The following SFSWAP variants were observed in gnomAD, a reference collection of about 807,000 sequenced individuals.
SFSWAP encodes the protein splicing factor, suppressor of white-apricot homolog.
SFSWAP carries 17 observed loss-of-function variants against 100.7 expected under a neutral mutation model. The ratio of observed to expected loss-of-function variants is 0.17; its 90% confidence interval spans 0.12 to 0.25. The LOEUF (loss-of-function observed/expected upper bound fraction) is 0.25. SFSWAP is among the 10% of genes least tolerant of loss of function. SFSWAP has a pLI of 1.00. For synonymous variants in SFSWAP, 504 were observed against 510.1 expected, an observed-to-expected ratio of 0.99 and a Z score of 0.16; for missense variants, 1,005 against 1,262.6, an observed-to-expected ratio of 0.80 and a Z score of 3.09.
At position 131,744,890 on chromosome 12, in the gene SFSWAP, G is replaced by A. The variant is rs568234333; in HGVS notation, c.1082-8233G>A. 4.6e-5 allele frequency among the ~76,000 whole-genome samples: 7 copies of A among 152,340 alleles called. No homozygotes were observed. The East Asian group carries it at 1.2e-3, about 25-fold the overall frequency. ...ACATGGATGGCAGCAGGCAAAGAGAGGCTGTACAGAGAAGCTCCTGTTTTT... is the reference window on the plus strand; with the variant it reads ...ACATGGATGGCAGCAGGCAAAGAGAAGCTGTACAGAGAAGCTCCTGTTTTT... On this transcript the variant is annotated intron_variant, in intron 7 of 17. Coordinates refer to ENST00000261674, the MANE Select transcript of SFSWAP (RefSeq NM_004592.4).
intron 1 of SFSWAP, chr12:131,712,853 C>T (rs1451419339): frequency 6.6e-6 from 1 of 152,134 alleles, no homozygotes; most frequent in Non-Finnish European, 1.5e-5. Flanking sequence ...GAAGTCTGAG[C>T]TCTTTGTACA....
In SFSWAP at chr12:131,764,499, T is replaced by C; in HGVS notation, c.1764T>C (p.Asn588=). 1 of 1,614,144 alleles carries C rather than the reference T, an allele frequency of 6.2e-7. No individual in the cohort carries two copies. Among genetic ancestry groups the C allele is most frequent in the Non-Finnish European group, 8.5e-7 (1 of 1,180,028 alleles). ...GCTTTGCAATCAAGGCCAAAGAAAA[T>C]GATCTGCTTCCCCTGGAAAAAAATC... ...PISFAIKAKE[N]DLLPLEKNRV... is the part of the protein sequence containing the mutation. The change falls in exon 12 of 18, where the codon AAT becomes AAC. Residue 588 remains asparagine (N), a synonymous_variant. Transcript: ENST00000261674.
At chr12:131,729,312 T>C (rs922231464) in intron 7 of SFSWAP, among the ~76,000 whole-genome samples, 5 of 152,080 alleles carry the variant, frequency 3.3e-5, no homozygotes, top group African/African-American at 1.2e-4. Flanking sequence ...GAGACCAGCC[T>C]GGACAACATA....
At chr12:131,774,997 G>A (rs781592679) in intron 13 of SFSWAP, among the ~76,000 whole-genome samples, 15 of 152,150 alleles carry the variant, frequency 9.9e-5, no homozygotes, top group Middle Eastern at 3.2e-3. Flanking sequence ...CTGGAGAGTT[G>A]ACTCCTCGCA....
chr12:131,778,445 C>A lies in SFSWAP; in HGVS notation c.2408+115C>A. The A allele has an allele frequency of 2.7e-6, 4 of 1,463,166 alleles. No homozygotes were observed. The East Asian group carries it at 7.0e-5, about 25-fold the overall frequency. The allele number at this position is 1,463,166 out of a possible 1,614,324, so 90.6% of individuals were successfully genotyped here. On this transcript the variant is annotated intron_variant, in intron 14 of 17. Transcript: ENST00000261674. This position sits in a 1 kb window ranked among gnomAD's most constrained non-coding sequence, Gnocchi z 4.2. ...ATCAGTGCCGCTTTCATTAAGCAGA[C>A]GCGTGTATGCATGTGCATGTGTGCC...
intron 7 of SFSWAP, among the ~76,000 whole-genome samples, chr12:131,743,549 G>A (rs1452554865): frequency 1.3e-5 from 2 of 152,190 alleles, no homozygotes; most frequent in Non-Finnish European, 2.9e-5. Context: ...CATGGTCTTG[G>A]GCAGCTCCGC....
At chr12:131,719,313 G>T in intron 3 of SFSWAP, 141 bp from the exon 4 acceptor site, 1 of 622,342 alleles carries the variant, frequency 1.6e-6, no homozygotes, top group Non-Finnish European at 2.8e-6. Context: ...AGAAGAGAAA[G>T]CTGAAGATGG....
intron 7 of SFSWAP, among the ~76,000 whole-genome samples, chr12:131,742,178 C>T (rs117282949): frequency 6.6e-6 from 1 of 152,324 alleles, no homozygotes; most frequent in Non-Finnish European, 1.5e-5. Context: ...GGCCCCAGGT[C>T]CACAAGCCCC....
rs1879758318 is a variant in SFSWAP at position 131,733,974 on chromosome 12, A to G, written c.1081+5546A>G. On this transcript the variant is annotated intron_variant, in intron 7 of 17. Transcript: ENST00000261674. The surrounding 1 kb of genome is among the most constrained non-coding windows in gnomAD (Gnocchi z 5.1). ...CCTGAGCCCACCCTGGGGCAGGGTG[A>G]CACATGGGAGCAGGTCAGTGCCCTG... Among the ~76,000 whole-genome samples the G allele has an allele frequency of 6.6e-6, 1 of 152,184 alleles. No individual in the cohort carries two copies. The highest frequency in any genetic ancestry group is 1.5e-5 in the Non-Finnish European group (1 of 68,016).
chr12:131,767,987 A>G (rs1372742249), intron 13 of SFSWAP, among the ~76,000 whole-genome samples: 1 of 152,270 alleles, frequency 6.6e-6, no homozygotes, highest in Non-Finnish European at 1.5e-5. Flanking sequence ...CAAACCTTCA[A>G]AAAATTGGAA....
intron 3 of SFSWAP, among the ~76,000 whole-genome samples, chr12:131,718,470 C>T (rs1347331592): frequency 3.9e-5 from 6 of 152,136 alleles, no homozygotes; most frequent in African/African-American, 1.4e-4. Flanking sequence ...CTGAGATGTA[C>T]TTAGGTACCT....
chr12:131,765,633 A>T (rs1261575332), intron 12 of SFSWAP, among the ~76,000 whole-genome samples: 1 of 151,896 alleles, frequency 6.6e-6, no homozygotes, highest in South Asian at 2.1e-4. Flanking sequence ...GGGCAACAAG[A>T]GCAAAAACTC....
At chr12:131,761,278 G>A (rs1033417069) in intron 11 of SFSWAP, among the ~76,000 whole-genome samples, 1 of 152,196 alleles carries the variant, frequency 6.6e-6, no homozygotes, top group Non-Finnish European at 1.5e-5. Context: ...AGCAATAAGA[G>A]TTGTTAGCTA....
chr12:131,796,998 CTG>C (rs1200440700), intron 15 of SFSWAP, 178 bp from the exon 16 acceptor site: 7 of 597,554 alleles, frequency 1.2e-5, no homozygotes, highest in African/African-American at 1.8e-5. Context: ...GACGCGTCAT[CTG>C]TTATCAGTTA....
chr12:131,754,591 T>G (rs1310665067), intron 9 of SFSWAP, 92 bp downstream of exon 9: 4 of 957,388 alleles, frequency 4.2e-6, no homozygotes, highest in Non-Finnish European at 5.7e-6. Flanking sequence ...AATTAATTTT[T>G]TTATATATTT....
In SFSWAP at chr12:131,727,150, A is replaced by G. The variant is rs1205089416; in HGVS notation, c.945+98A>G. ...GAAGCATGTCATTCTTGTGTGTTAC[A>G]GTTGTATCTTATTTTATCATCATTG... On this transcript the variant is annotated intron_variant, in intron 6 of 17. Coordinates refer to ENST00000261674, the MANE Select transcript of SFSWAP (RefSeq NM_004592.4). The G allele has an allele frequency of 8.4e-6, 6 of 718,454 alleles. No individual in the cohort carries two copies. In the Admixed American group the frequency reaches 1.4e-4, roughly 17 times the overall value. 44.5% of individuals were successfully genotyped at this position (718,454 alleles called of 1,614,324 possible).
chr12:131,771,615 A>G (rs1883609074), intron 13 of SFSWAP, among the ~76,000 whole-genome samples: 1 of 147,522 alleles, frequency 6.8e-6, no homozygotes, highest in Non-Finnish European at 1.5e-5. Flanking sequence ...TACATATTTA[A>G]TGGTAAGTAA....
At chr12:131,723,091 A>G (rs1356275235) in intron 4 of SFSWAP, among the ~76,000 whole-genome samples, 1 of 152,252 alleles carries the variant, frequency 6.6e-6, no homozygotes, top group Non-Finnish European at 1.5e-5. Context: ...CCGACTCCAG[A>G]GCTCTGAACC....
intron 1 of SFSWAP, 149 bp from the exon 2 acceptor site, chr12:131,713,922 G>T (rs1043806806): frequency 2.1e-6 from 1 of 465,402 alleles, no homozygotes; most frequent in Non-Finnish European, 3.6e-6. Flanking sequence ...TATAAATCTG[G>T]GAAGAGTTTT....
Sources: allele counts gnomAD v4.1 joint callset (sites outside exome capture counted in the v4.1 genomes callset), GRCh38; gene constraint gnomAD v4.1.1; non-coding constraint Gnocchi (gnomAD v3.1); transcripts MANE v1.5; gene names NCBI Gene and HGNC (gene_info 2026-07-23, HGNC 2026-07-21).